Variants in ARHGEF17 observed in about 807,000 individuals in gnomAD.
ARHGEF17 encodes 164 kDa Rho-specific guanine-nucleotide exchange factor.
Under a neutral mutation model 174.0 loss-of-function variants are expected in ARHGEF17, and 80 were observed. The observed-to-expected ratio is 0.46, with a 90% CI of 0.38 to 0.55. The LOEUF (loss-of-function observed/expected upper bound fraction) is 0.55, where lower values mean the gene tolerates loss of function less well. Ranked by LOEUF, ARHGEF17 falls within the 20% of genes least tolerant of loss-of-function variation. ARHGEF17 has a pLI of 0.00. For synonymous variants in ARHGEF17, 1,311 were observed against 1,189.1 expected (o/e 1.10, Z -2.11); for missense variants, 2,886 against 2,839.7 (o/e 1.02, Z -0.37).
intron 1 of ARHGEF17, among the ~76,000 whole-genome samples, chr11:73,334,022 C>G (rs1409040865): frequency 6.6e-6 from 1 of 152,214 alleles, no homozygotes; most frequent in Admixed American, 6.5e-5. Context: ...GAGCACTTAA[C>G]TGTGGGTCAG....
At chr11:73,353,092 C>G (rs1865582840) in intron 3 of ARHGEF17, 80 bp downstream of exon 3, 1 of 1,524,954 alleles carries the variant, frequency 6.6e-7, no homozygotes, top group Admixed American at 1.7e-5. Flanking sequence ...GACCCCACCC[C>G]CACCCATCCC....
chr11:73,329,407 T>A (rs1160002301), intron 1 of ARHGEF17, among the ~76,000 whole-genome samples: 3 of 122,786 alleles, frequency 2.4e-5, no homozygotes, highest in Non-Finnish European at 3.2e-5. Flanking sequence ...GGGTTTTTGT[T>A]TTTTTTTTTT....
At chr11:73,323,719 T>A (rs1421027476) in intron 1 of ARHGEF17, among the ~76,000 whole-genome samples, 2 of 152,244 alleles carry the variant, frequency 1.3e-5, no homozygotes, top group East Asian at 3.8e-4. Context: ...GTGAGGAATT[T>A]CCGAGGGAAT....
chr11:73,355,797 C>T, intron 4 of ARHGEF17, 64 bp from the exon 5 acceptor site: 1 of 1,602,170 alleles, frequency 6.2e-7, no homozygotes. Context: ...TGCTGGGGAC[C>T]TGTCCCTGGA....
intron 1 of ARHGEF17, among the ~76,000 whole-genome samples, 188 bp from the exon 2 acceptor site, chr11:73,346,695 G>A (rs574216784): frequency 6.6e-6 from 1 of 152,264 alleles, no homozygotes; most frequent in African/African-American, 2.4e-5. Flanking sequence ...GAGCAGCTGA[G>A]CAAAGACCTG....
At position 73,355,809 on chromosome 11, in the gene ARHGEF17, A is replaced by T. The variant is rs910477788; in HGVS notation, c.3571-52A>T. ...GCTTGCTGGGGACCTGTCCCTGGAC[A>T]TAGTCTTCCTGGCATGTCATTCCTC... On this transcript the variant is annotated intron_variant, in intron 4 of 20. Transcript: ENST00000263674. 3 of 1,609,022 alleles carry T rather than the reference A, an allele frequency of 1.9e-6. No homozygotes were observed. The African/African-American group carries it at 4.0e-5, about 21-fold the overall frequency.
chr11:73,318,299 T>C (rs960605836), intron 1 of ARHGEF17, among the ~76,000 whole-genome samples: 1 of 147,980 alleles, frequency 6.8e-6, no homozygotes, highest in African/African-American at 2.6e-5. Context: ...GTGCTCACTG[T>C]GGGGCCTGTC....
intron 14 of ARHGEF17, 124 bp from the exon 15 acceptor site, chr11:73,363,082 G>A (rs1395038523): frequency 2.3e-5 from 31 of 1,319,158 alleles, no homozygotes; most frequent in African/African-American, 2.2e-4. Context: ...GGAGCAGGCC[G>A]GGGAAGAACA....
chr11:73,342,398 C>T (rs1052653138), intron 1 of ARHGEF17, among the ~76,000 whole-genome samples: 1 of 152,130 alleles, frequency 6.6e-6, no homozygotes, highest in Non-Finnish European at 1.5e-5. Flanking sequence ...TATGTGTGCA[C>T]ATCTCTAAAT....
At chr11:73,325,396 A>T (rs1184034852) in intron 1 of ARHGEF17, among the ~76,000 whole-genome samples, 1 of 152,048 alleles carries the variant, frequency 6.6e-6, no homozygotes, top group Admixed American at 6.5e-5. Flanking sequence ...TGGGCTGGAG[A>T]TGTAGAGAGG....
intron 1 of ARHGEF17, among the ~76,000 whole-genome samples, chr11:73,313,794 C>A (rs1454739710): frequency 6.6e-6 from 1 of 152,212 alleles, no homozygotes; most frequent in African/African-American, 2.4e-5. Flanking sequence ...CCATCATATC[C>A]CTGCTCTGTG....
In ARHGEF17 at chr11:73,311,095, T is replaced by C; in HGVS notation, c.2457T>C (p.Ala819=). ...TLGRVVDDRI[A]GKAPKKKSLS... is the part of the protein sequence containing the mutation. ...GGCGTGTGGTGGACGACAGGATTGC[T>C]GGCAAAGCCCCCAAGAAGAAATCCC... Residue 819 remains alanine (A), a synonymous_variant, in exon 1 of 21, where the codon GCT becomes GCC. Transcript: ENST00000263674. The C allele has an allele frequency of 6.2e-7, 1 of 1,607,866 alleles. No individual in the cohort carries two copies. Among genetic ancestry groups the C allele is most frequent in the Non-Finnish European group, 8.5e-7 (1 of 1,175,106 alleles).
intron 20 of ARHGEF17, 36 bp from the exon 21 acceptor site, chr11:73,367,548 G>GC: frequency 1.9e-6 from 3 of 1,560,110 alleles, no homozygotes; most frequent in Non-Finnish European, 2.6e-6. Context: ...GCCTCCATTC[G>GC]CCCCCAAGCT....
Position 73,311,243 on chromosome 11 carries a change from C to A in ARHGEF17, c.2605C>A (p.Gln869Lys). ...CAGCAGCGAGCCCATCCTTGTAGAG[C>A]AGCGGGCAGAGCCAGAAGAACCTGG... ...PSSSEPILVE[Q>K]RAEPEEPGAT... Residue 869 changes from glutamine to lysine, a missense_variant, in exon 1 of 21, where the codon CAG (glutamine) becomes AAG (lysine). By Grantham distance (53) the Gln-to-Lys change is moderately conservative. Transcript: ENST00000263674. 1.2e-6 allele frequency: 2 copies of A among 1,611,424 alleles called. No homozygotes were observed. Among genetic ancestry groups the A allele is most frequent in the Non-Finnish European group, 1.7e-6 (2 of 1,178,730 alleles).
At chr11:73,335,404 C>G (rs751556379) in intron 1 of ARHGEF17, among the ~76,000 whole-genome samples, 5 of 152,188 alleles carry the variant, frequency 3.3e-5, no homozygotes, top group African/African-American at 4.8e-5. Context: ...TGTTGGGGGT[C>G]TGTCTATCCA....
chr11:73,364,031 G>A, intron 16 of ARHGEF17, 141 bp from the exon 17 acceptor site: 1 of 1,078,964 alleles, frequency 9.3e-7, no homozygotes, highest in Non-Finnish European at 1.4e-6. Context: ...TTAGCCTCAG[G>A]CAACCCCCAC....
intron 1 of ARHGEF17, among the ~76,000 whole-genome samples, chr11:73,341,468 G>A (rs1165001620): frequency 6.6e-6 from 1 of 151,738 alleles, no homozygotes; most frequent in East Asian, 1.9e-4. Context: ...CACCACACCT[G>A]GCTAATTTTG....
At position 73,365,957 on chromosome 11, in the gene ARHGEF17, T is replaced by G. The variant is rs752567104; in HGVS notation, c.5995+10T>G. On this transcript the variant is annotated intron_variant, in intron 20 of 20. Transcript: ENST00000263674. The surrounding 1 kb of genome is among the most constrained non-coding windows in gnomAD (Gnocchi z 4.9). ...CCTCCCCCAGACACAGGTGGGTCAG[T>G]GCATCATACCCCAAGCTAGGGATCA... The G allele has an allele frequency of 6.3e-7, 1 of 1,595,222 alleles. No homozygotes were observed. The highest frequency in any genetic ancestry group is 1.1e-5 in the South Asian group (1 of 90,876).
chr11:73,360,599 A>C (rs1865722576), intron 11 of ARHGEF17, 66 bp downstream of exon 11: 957 of 1,541,626 alleles, frequency 6.2e-4, no homozygotes, highest in Non-Finnish European at 7.8e-4. Flanking sequence ...GAGGCATCTC[A>C]CAGCTGTCTG....
Sources: gnomAD v4.1 joint callset for allele counts (sites outside exome capture counted in the v4.1 genomes callset) on GRCh38, gnomAD v4.1.1 for gene constraint, Gnocchi (gnomAD v3.1) non-coding constraint, MANE v1.5 for transcripts, NCBI Gene and HGNC (gene_info 2026-07-23, HGNC 2026-07-21) for gene names.